The following QNG1 variants were observed in gnomAD, a reference collection of about 807,000 sequenced individuals.
QNG1 encodes the protein Q-nucleotide N-glycosylase 1, also known as queuosine 5'-phosphate N-glycosylase/hydrolase.
At chr9:83,942,629 T>C in the QNG1 span, among the ~76,000 whole-genome samples, 35 of 152,376 alleles carry the variant, frequency 2.3e-4, no homozygotes, top group Middle Eastern at 6.8e-3. Context: ...ATGAGTACAC[T>C]ATACTTATGT....
chr9:83,956,570 GCGCT>G, the QNG1 span: 1 of 1,354,500 alleles, frequency 7.4e-7, no homozygotes, highest in Non-Finnish European at 1.0e-6. Flanking sequence ...TCTGCGCCTT[GCGCT>G]ACTACGAACC....
chr9:83,944,353 G>A, the QNG1 span, among the ~76,000 whole-genome samples: 1 of 152,152 alleles, frequency 6.6e-6, no homozygotes, highest in Non-Finnish European at 1.5e-5. Flanking sequence ...TGGCGAATAA[G>A]CCTAAGGAAG....
the QNG1 span, chr9:83,939,557 T>C: frequency 6.2e-7 from 1 of 1,614,166 alleles, no homozygotes; most frequent in Non-Finnish European, 8.5e-7. Flanking sequence ...TCCTTTCATA[T>C]CTTCCCTATG....
the QNG1 span, chr9:83,956,349 G>A: frequency 5.6e-6 from 9 of 1,611,752 alleles, no homozygotes; most frequent in Admixed American, 1.5e-4. Flanking sequence ...CTCATGAAGG[G>A]CTTTCCACCC....
At chr9:83,940,267 T>C in the QNG1 span, among the ~76,000 whole-genome samples, 1 of 151,944 alleles carries the variant, frequency 6.6e-6, no homozygotes, top group Non-Finnish European at 1.5e-5. Flanking sequence ...TAGCCAGGCA[T>C]GGTGGTATGT....
At chr9:83,939,474 C>T in the QNG1 span, 2,413 of 1,379,282 alleles carry the variant, frequency 1.7e-3, 38 homozygotes, top group African/African-American at 0.032. Flanking sequence ...TGATATAAAA[C>T]GCAGGGGGTT....
chr9:83,948,605 T>A, the QNG1 span, among the ~76,000 whole-genome samples: 3 of 152,072 alleles, frequency 2.0e-5, no homozygotes, highest in Admixed American at 6.5e-5. Context: ...GCCCAACAGC[T>A]CATTGAGAGC....
At chr9:83,951,102 C>A in the QNG1 span, among the ~76,000 whole-genome samples, 4 of 150,506 alleles carry the variant, frequency 2.7e-5, no homozygotes, top group Admixed American at 1.3e-4. Flanking sequence ...TGAAACCCTG[C>A]CTCTACAAAA....
At chr9:83,948,416 C>T in the QNG1 span, among the ~76,000 whole-genome samples, 12 of 149,300 alleles carry the variant, frequency 8.0e-5, no homozygotes, top group Non-Finnish European at 1.3e-4. Context: ...CCGCCCCGTC[C>T]GGGAGGGAGG....
At chr9:83,948,511 GA>G in the QNG1 span, among the ~76,000 whole-genome samples, 10 of 147,340 alleles carry the variant, frequency 6.8e-5, no homozygotes, top group East Asian at 4.2e-4. Flanking sequence ...CCCTGTCCGG[GA>G]GGGGGGGGGC....
At chr9:83,953,848 G>T in the QNG1 span, 2 of 1,526,920 alleles carry the variant, frequency 1.3e-6, no homozygotes, top group Non-Finnish European at 1.8e-6. Context: ...AGTACACTGT[G>T]TATGAAAAAG....
At chr9:83,952,922 C>T in the QNG1 span, among the ~76,000 whole-genome samples, 10 of 149,362 alleles carry the variant, frequency 6.7e-5, no homozygotes, top group South Asian at 2.1e-4. Flanking sequence ...ATGGTGTCAC[C>T]GCACTACAGC....
the QNG1 span, among the ~76,000 whole-genome samples, chr9:83,950,720 C>T: frequency 6.6e-6 from 1 of 151,606 alleles, no homozygotes; most frequent in African/African-American, 2.4e-5. Flanking sequence ...CCACCTCAGC[C>T]TCCTGAATAG....
the QNG1 span, chr9:83,955,736 G>T: frequency 8.5e-7 from 1 of 1,181,998 alleles, no homozygotes; most frequent in South Asian, 1.4e-5. Context: ...GAAACCAAAT[G>T]AGTGGTATAG....
chr9:83,950,955 T>C, the QNG1 span, among the ~76,000 whole-genome samples: 1 of 152,128 alleles, frequency 6.6e-6, no homozygotes, highest in East Asian at 1.9e-4. Flanking sequence ...AAATAGAAAG[T>C]TCAAGGATTA....
At chr9:83,939,057 T>TTTG in the QNG1 span, 328 of 171,638 alleles carry the variant, frequency 1.9e-3, 1 homozygote, top group Middle Eastern at 5.9e-3. Flanking sequence ...CCTAGGAAGT[T>TTTG]TTGTTGTTGT....
At chr9:83,947,317 T>C in the QNG1 span, among the ~76,000 whole-genome samples, 1 of 152,234 alleles carries the variant, frequency 6.6e-6, no homozygotes, top group African/African-American at 2.4e-5. Flanking sequence ...GGAAAGGCTC[T>C]ATATAAAAAT....
the QNG1 span, among the ~76,000 whole-genome samples, chr9:83,944,325 A>AATATCATATCTATTGG: frequency 6.6e-6 from 1 of 152,206 alleles, no homozygotes; most frequent in Non-Finnish European, 1.5e-5. Flanking sequence ...TCTTGATATC[A>AATATCATATCTATTGG]ATAATCATAT....
the QNG1 span, among the ~76,000 whole-genome samples, chr9:83,945,472 T>G: frequency 1.3e-5 from 2 of 152,032 alleles, no homozygotes; most frequent in Admixed American, 1.3e-4. Flanking sequence ...AAATTTTCTA[T>G]CACTCCAAAC....
Sources: allele counts gnomAD v4.1 joint callset (sites outside exome capture counted in the v4.1 genomes callset), GRCh38; gene constraint gnomAD v4.1.1; transcripts MANE v1.5; gene names NCBI Gene and HGNC (gene_info 2026-07-23, HGNC 2026-07-21).